The following CCDC8 variants were observed in gnomAD, a reference collection of about 807,000 sequenced individuals.
The protein encoded by CCDC8 is coiled-coil domain containing 8 subunit of 3M complex.
Under a neutral mutation model 5.2 loss-of-function variants are expected in CCDC8, and 6 were observed. That is an observed-to-expected ratio of 1.16 (90% CI 0.63 to 2.28). CCDC8 has a LOEUF of 2.28. Among genes scored for constraint, CCDC8 ranks in the 30% most tolerant of loss-of-function variants. The pLI is 0.00. For synonymous variants in CCDC8, 310 were observed against 286.5 expected, an observed-to-expected ratio of 1.08 and a Z score of -0.83; for missense variants, 724 against 712.2, an observed-to-expected ratio of 1.02 and a Z score of -0.19.
chr19:46,412,774 T>G lies in CCDC8; in HGVS notation c.37A>C (p.Ile13Leu), dbSNP rs1973251342. ...CCAGCCAGCCTGACCTCCCGGGGGA[T>G]GAGCAAATAGTCGACGTCCTCCCCG... ...QIGEDVDYLL[I>L]PREVRLAGGV... The change falls in exon 1 of 1, where the codon ATC becomes CTC. Residue 13 changes from isoleucine (I) to leucine (L), a missense_variant. Physicochemically the swap from Ile to Leu is conservative, Grantham distance 5. Transcript: ENST00000307522. The surrounding 1 kb of genome is among the most constrained non-coding windows in gnomAD (Gnocchi z 4.7). The G allele has an allele frequency of 1.2e-6, 2 of 1,613,894 alleles. No individual in the cohort carries two copies. The highest frequency in any genetic ancestry group is 1.3e-5 in the African/African-American group (1 of 74,910).
In CCDC8 at chr19:46,412,543, G is replaced by T. The variant is rs768859491; in HGVS notation, c.268C>A (p.Pro90Thr). ...TCGTACGTGCCCACGACCAGCCGGG[G>T]CGGAGGAGTCACCATCTGCTGCACT... is the stretch of plus-strand genomic sequence containing the variant. ...RRVQQMVTPP[P>T]RLVVGTYDSS... Residue 90 changes from proline (P) to threonine (T), a missense_variant, in exon 1 of 1, where the codon CCC becomes ACC. By Grantham distance (38) the Pro-to-Thr change is conservative (BLOSUM62 -1). Coordinates refer to ENST00000307522, the MANE Select transcript of CCDC8 (RefSeq NM_032040.5). This position sits in a 1 kb window ranked among gnomAD's most constrained non-coding sequence, Gnocchi z 4.7. The T allele has an allele frequency of 1.2e-6, 2 of 1,608,062 alleles. No individual in the cohort carries two copies. Among genetic ancestry groups the T allele is most frequent in the Non-Finnish European group, 8.5e-7 (1 of 1,179,680 alleles).
At position 46,413,151 on chromosome 19, in the gene CCDC8, G is replaced by A. The variant is rs964286076; in HGVS notation, c.-341C>T. The A allele has an allele frequency of 1.0e-5, 4 of 393,516 alleles. No individual in the cohort carries two copies. Among genetic ancestry groups the A allele is most frequent in the African/African-American group, 6.2e-5 (3 of 48,720 alleles). The allele number at this position is 393,516 out of a possible 1,614,324, so 24.4% of individuals were successfully genotyped here. On this transcript the variant is annotated 5_prime_UTR_variant, in exon 1 of 1. Transcript: ENST00000307522. ...GTCTCACCTCCCTAGCCAGGGACGA[G>A]CCAAACGCCTCCAATCTCTTCGCCT...
rs1973226022 is a variant in CCDC8, at chr19:46,411,370, G to A, written c.1441C>T (p.Gln481Ter). Residue 481 changes from glutamine to a stop codon, truncating the protein, a stop_gained, in exon 1 of 1, where the codon CAG becomes TAG. Transcript: ENST00000307522. LOFTEE classifies it high-confidence loss of function. Reference sequence around the variant, plus strand: ...AACCACGAAAAGCGTCCAGGGGTCTGGAACCTCACTGTCTTGACCTGTTTC... The same window carrying A: ...AACCACGAAAAGCGTCCAGGGGTCTAGAACCTCACTGTCTTGACCTGTTTC... ...ARKQVKTVRFQTPGRFSWFCK... is the reference protein window; with the variant it reads ...ARKQVKTVRF 2.5e-6 allele frequency: 4 copies of A among 1,614,240 alleles called. No individual in the cohort carries two copies. Among genetic ancestry groups the A allele is most frequent in the Non-Finnish European group, 2.5e-6 (3 of 1,180,044 alleles).
chr19:46,411,533 A>T lies in CCDC8; in HGVS notation c.1278T>A (p.Asp426Glu). The T allele has an allele frequency of 6.2e-7, 1 of 1,613,616 alleles. No individual in the cohort carries two copies. The highest frequency in any genetic ancestry group is 8.5e-7 in the Non-Finnish European group (1 of 1,179,896). The change falls in exon 1 of 1, where the codon GAT becomes GAA. Residue 426 changes from aspartate to glutamate, a missense_variant. Transcript: ENST00000307522. ...CAGCCCGGGCCTGTGCCCTCTGATT[A>T]TCTGCACCCTGGACAGCTGGGGCCC... ...RERAPAVQGA[D>E]NQRAQARAGQ...
In CCDC8 at chr19:46,412,060, T is replaced by G. The variant is rs1031921766; in HGVS notation, c.751A>C (p.Asn251His). 6.2e-7 allele frequency: 1 copy of G among 1,600,278 alleles called. No individual in the cohort carries two copies. The highest frequency in any genetic ancestry group is 8.5e-7 in the Non-Finnish European group (1 of 1,179,934). Residue 251 changes from asparagine (N) to histidine (H), a missense_variant, in exon 1 of 1, where the codon AAC becomes CAC. Transcript: ENST00000307522. This position sits in a 1 kb window ranked among gnomAD's most constrained non-coding sequence, Gnocchi z 4.7. ...EGTSPGDRLG[N>H]AGDVCVPQAS... is the part of the protein sequence containing the mutation. The stretch of plus-strand genomic sequence containing the variant: ...TGGGGCACACAAACATCTCCCGCGT[T>G]TCCCAAGCGATCCCCCGGGCTGGTG...
chr19:46,412,604 G>C lies in CCDC8; in HGVS notation c.207C>G (p.Pro69=). 2 of 1,601,772 alleles carry C rather than the reference G, an allele frequency of 1.2e-6. No individual in the cohort carries two copies. Among genetic ancestry groups the C allele is most frequent in the Non-Finnish European group, 1.7e-6 (2 of 1,175,224 alleles). Residue 69 remains proline, a synonymous_variant, in exon 1 of 1, where the codon CCC becomes CCG. Transcript: ENST00000307522. This position sits in a 1 kb window ranked among gnomAD's most constrained non-coding sequence, Gnocchi z 4.7. The part of the protein sequence containing the change: ...MEKSTPHPPQ[P]PKKPKEPRVR... ...CTCGGGGCTCCTTGGGCTTTTTGGGGGGCTGGGGCGGGTGCGGGGTGCTCT... is the reference window on the plus strand; with the variant it reads ...CTCGGGGCTCCTTGGGCTTTTTGGGCGGCTGGGGCGGGTGCGGGGTGCTCT...
chr19:46,412,979 G>GC lies in CCDC8; in HGVS notation c.-170dup, dbSNP rs1973253326. 4 of 866,398 alleles carry GC rather than the reference G, an allele frequency of 4.6e-6. No individual in the cohort carries two copies. The highest frequency in any genetic ancestry group is 1.6e-5 in the South Asian group (1 of 62,852). The allele number at this position is 866,398 out of a possible 1,614,324, so 53.7% of individuals were successfully genotyped here. A position where few individuals can be genotyped will look rare whatever the true frequency, so the allele number is the denominator to read the frequency against. Reference sequence around the variant, plus strand: ...ACGGCAGGAAGCCCCAGGGGAACCAGCCCCCCACGTGGCTTTTCTCGAGAG... The same window carrying GC: ...ACGGCAGGAAGCCCCAGGGGAACCAGCCCCCCCACGTGGCTTTTCTCGAGAG... On this transcript the variant is annotated 5_prime_UTR_variant, in exon 1 of 1. Coordinates refer to ENST00000307522, the MANE Select transcript of CCDC8 (RefSeq NM_032040.5). This position sits in a 1 kb window ranked among gnomAD's most constrained non-coding sequence, Gnocchi z 4.7.
At position 46,413,509 on chromosome 19, in the gene CCDC8, C is replaced by G. The variant is rs917499598; in HGVS notation, c.-699G>C. On this transcript the variant is annotated 5_prime_UTR_variant, in exon 1 of 1. Transcript: ENST00000307522. ...CGCCCCCAGGCAGGCCGCCACCCAGCTCCAGGCTGACCTTGACGCGCCGCA... is the reference window on the plus strand; with the variant it reads ...CGCCCCCAGGCAGGCCGCCACCCAGGTCCAGGCTGACCTTGACGCGCCGCA... 6.0e-6 allele frequency: 1 copy of G among 167,598 alleles called. No individual in the cohort carries two copies. Among genetic ancestry groups the G allele is most frequent in the Non-Finnish European group, 1.4e-5 (1 of 69,056 alleles). 10.4% of individuals were successfully genotyped at this position (167,598 alleles called of 1,614,324 possible).
In CCDC8 at chr19:46,413,166, T is replaced by A. The variant is rs922522374; in HGVS notation, c.-356A>T. ...CCAGGGACGAGCCAAACGCCTCCAA[T>A]CTCTTCGCCTGCAACAAGTACAGTC... On this transcript the variant is annotated 5_prime_UTR_variant, in exon 1 of 1. Coordinates refer to ENST00000307522, the MANE Select transcript of CCDC8 (RefSeq NM_032040.5). The A allele has an allele frequency of 5.8e-6, 2 of 344,028 alleles. No individual in the cohort carries two copies. The highest frequency in any genetic ancestry group is 1.1e-5 in the Non-Finnish European group (2 of 174,884). 21.3% of individuals were successfully genotyped at this position (344,028 alleles called of 1,614,324 possible).
At position 46,411,825 on chromosome 19, in the gene CCDC8, GC is replaced by G; in HGVS notation, c.985del (p.Ala329GlnfsTer150). ...TTCCCTCTGATTATCTGCAGCCTCTGCCCCCTGGTCAGCTGGGGCCCCTGCC... is the reference window on the plus strand; with the variant it reads ...TTCCCTCTGATTATCTGCAGCCTCTGCCCCTGGTCAGCTGGGGCCCCTGCC... Reference protein sequence around the residue: ...QRAGAPADQGAEAADNQREEA... With the variant: ...QRAGAPADQGXEAADNQREEA... On this transcript the variant is annotated frameshift_variant, in exon 1 of 1. Coordinates refer to ENST00000307522, the MANE Select transcript of CCDC8 (RefSeq NM_032040.5). LOFTEE classifies it low-confidence loss of function (END_TRUNC). The G allele has an allele frequency of 6.2e-7, 1 of 1,608,228 alleles. No individual in the cohort carries two copies. The highest frequency in any genetic ancestry group is 8.5e-7 in the Non-Finnish European group (1 of 1,175,738).
In CCDC8 at chr19:46,411,361, C is replaced by T; in HGVS notation, c.1450G>A (p.Gly484Arg). The T allele has an allele frequency of 6.2e-7, 1 of 1,614,214 alleles. No homozygotes were observed. The highest frequency in any genetic ancestry group is 8.5e-7 in the Non-Finnish European group (1 of 1,180,030). The stretch of plus-strand genomic sequence containing the variant: ...CGCTTGCAAAACCACGAAAAGCGTC[C>T]AGGGGTCTGGAACCTCACTGTCTTG... ...QVKTVRFQTPGRFSWFCKRRR... is the reference protein window; with the variant it reads ...QVKTVRFQTPRRFSWFCKRRR... The change falls in exon 1 of 1, where the codon GGA (glycine) becomes AGA (arginine). Residue 484 changes from glycine (G) to arginine (R), a missense_variant. By Grantham distance (125) the Gly-to-Arg change is moderately radical (BLOSUM62 -2). Coordinates refer to ENST00000307522, the MANE Select transcript of CCDC8 (RefSeq NM_032040.5).
rs200702731 is a variant in CCDC8 at position 46,411,713 on chromosome 19, A to G, written c.1098T>C (p.Asn366=). 1.9e-6 allele frequency: 3 copies of G among 1,610,168 alleles called. No individual in the cohort carries two copies. The highest frequency in any genetic ancestry group is 2.5e-6 in the Non-Finnish European group (3 of 1,179,238). Residue 366 remains asparagine (N), a synonymous_variant, in exon 1 of 1, where the codon AAT becomes AAC. Transcript: ENST00000307522. ...ADNQREEAAD[N]QRAEAPADQR... ...GGTCAGCTGGGGCCTCTGCCCTCTGATTATCTGCAGCCTCTTCCCTCTGGT... is the reference window on the plus strand; with the variant it reads ...GGTCAGCTGGGGCCTCTGCCCTCTGGTTATCTGCAGCCTCTTCCCTCTGGT...
Position 46,411,078 on chromosome 19 carries a change from G to A in CCDC8, c.*116C>T, listed in dbSNP as rs1973220944. The A allele has an allele frequency of 8.2e-7, 1 of 1,224,394 alleles. No homozygotes were observed. The highest frequency in any genetic ancestry group is 1.5e-5 in the African/African-American group (1 of 66,094). 75.8% of individuals were successfully genotyped at this position (1,224,394 alleles called of 1,614,324 possible). The stretch of plus-strand genomic sequence containing the variant: ...CAAAACTTTAACAAGAGAATAAAGA[G>A]GGTTGTTAGGTGGAGACGTGGCCAG... On this transcript the variant is annotated 3_prime_UTR_variant, in exon 1 of 1. Coordinates refer to ENST00000307522, the MANE Select transcript of CCDC8 (RefSeq NM_032040.5).
In CCDC8 at chr19:46,411,003, C is replaced by T; in HGVS notation, c.*191G>A. 1.5e-6 allele frequency: 1 copy of T among 662,140 alleles called. No individual in the cohort carries two copies. Among genetic ancestry groups the T allele is most frequent in the African/African-American group, 1.8e-5 (1 of 54,988 alleles). The allele number at this position is 662,140 out of a possible 1,614,324, so 41.0% of individuals were successfully genotyped here. A position where few individuals can be genotyped will look rare whatever the true frequency, so the allele number is the denominator to read the frequency against. ...TGCCACTGCACTCCAGCCTGGGCAACAGAGTGAGACCCTGTCTCTAAAAAA... is the reference window on the plus strand; with the variant it reads ...TGCCACTGCACTCCAGCCTGGGCAATAGAGTGAGACCCTGTCTCTAAAAAA... On this transcript the variant is annotated 3_prime_UTR_variant, in exon 1 of 1. Coordinates refer to ENST00000307522, the MANE Select transcript of CCDC8 (RefSeq NM_032040.5).
In CCDC8 at chr19:46,411,328, C is replaced by T; in HGVS notation, c.1483G>A (p.Ala495Thr). 1 of 1,614,172 alleles carries T rather than the reference C, an allele frequency of 6.2e-7. No homozygotes were observed. The highest frequency in any genetic ancestry group is 1.1e-5 in the South Asian group (1 of 91,082). Residue 495 changes from alanine (A) to threonine (T), a missense_variant, in exon 1 of 1, where the codon GCC becomes ACC. Transcript: ENST00000307522. ...GGCAACCGGGGAGTGTGCCAGAAGG[C>T]TCTCCGGCGCTTGCAAAACCACGAA... ...RFSWFCKRRRAFWHTPRLPTL... is the reference protein window; with the variant it reads ...RFSWFCKRRRTFWHTPRLPTL...
At position 46,412,238 on chromosome 19, in the gene CCDC8, C is replaced by T. The variant is rs931233162; in HGVS notation, c.573G>A (p.Ala191=). The part of the protein sequence containing the change: ...EDNLGPQLSK[A]DRWREYVSQV... ...GGCTGACATACTCCCGCCACCTGTC[C>T]GCTTTGGACAGCTGAGGCCCCAGGT... Residue 191 remains alanine (A), a synonymous_variant, in exon 1 of 1, where the codon GCG becomes GCA. Transcript: ENST00000307522. This position sits in a 1 kb window ranked among gnomAD's most constrained non-coding sequence, Gnocchi z 4.7. The T allele has an allele frequency of 2.5e-6, 4 of 1,601,028 alleles. No homozygotes were observed. Among genetic ancestry groups the T allele is most frequent in the Non-Finnish European group, 3.4e-6 (4 of 1,179,884 alleles).
Position 46,411,183 on chromosome 19 carries a change from T to A in CCDC8, c.*11A>T, listed in dbSNP as rs758560554. The A allele has an allele frequency of 1.2e-6, 2 of 1,613,938 alleles. No homozygotes were observed. The highest frequency in any genetic ancestry group is 1.7e-6 in the Non-Finnish European group (2 of 1,180,016). ...GGAGGGAGGGCCCGTGGGCTGTCTC[T>A]AGCCCTCACCTCACAGCTGGTCTTC... On this transcript the variant is annotated 3_prime_UTR_variant, in exon 1 of 1. Transcript: ENST00000307522.
At position 46,411,060 on chromosome 19, in the gene CCDC8, T is replaced by C; in HGVS notation, c.*134A>G. On this transcript the variant is annotated 3_prime_UTR_variant, in exon 1 of 1. Transcript: ENST00000307522. The stretch of plus-strand genomic sequence containing the variant: ...AAAAAATCAAAGCATGAACAAAACT[T>C]TAACAAGAGAATAAAGAGGGTTGTT... 2 of 1,131,408 alleles carry C rather than the reference T, an allele frequency of 1.8e-6. No homozygotes were observed. Among genetic ancestry groups the C allele is most frequent in the Non-Finnish European group, 2.5e-6 (2 of 793,642 alleles). The allele number at this position is 1,131,408 out of a possible 1,614,324, so 70.1% of individuals were successfully genotyped here.
chr19:46,410,515 G>T lies in CCDC8; in HGVS notation c.*679C>A, dbSNP rs1973214704. 1 of 152,414 alleles carries T rather than the reference G, an allele frequency of 6.6e-6. No homozygotes were observed. The highest frequency in any genetic ancestry group is 1.5e-5 in the Non-Finnish European group (1 of 68,232). 9.4% of individuals were successfully genotyped at this position (152,414 alleles called of 1,614,324 possible). A position where few individuals can be genotyped will look rare whatever the true frequency, so the allele number is the denominator to read the frequency against. ...GCGAAGTGACAACATAAACACAGGT[G>T]TCTCCATCATCAAGGATGGGAGTGG... On this transcript the variant is annotated 3_prime_UTR_variant, in exon 1 of 1. Coordinates refer to ENST00000307522, the MANE Select transcript of CCDC8 (RefSeq NM_032040.5).
Sources: gnomAD v4.1 joint callset for allele counts on GRCh38, gnomAD v4.1.1 for gene constraint, Gnocchi (gnomAD v3.1) non-coding constraint, MANE v1.5 for transcripts, NCBI Gene and HGNC (gene_info 2026-07-23, HGNC 2026-07-21) for gene names.